CCL28: variants seen among roughly 807,000 people sequenced by gnomAD.
CCL28 encodes the protein C-C motif chemokine ligand 28.
A neutral mutation model predicts 7.1 loss-of-function variants in CCL28; 4 were observed. The ratio of observed to expected loss-of-function variants is 0.56; its 90% CI spans 0.28 to 1.29. CCL28 has a LOEUF of 1.29. CCL28 is among the 50% of genes most tolerant of loss of function. The probability of loss-of-function intolerance (pLI) is 0.11; values close to 1 mark genes in which losing one functional copy is unlikely to be tolerated. For synonymous variants in CCL28, 55 were observed against 57.8 expected, an observed-to-expected ratio of 0.95 and a Z score of 0.22; for missense variants, 151 against 163.4, an observed-to-expected ratio of 0.92 and a Z score of 0.41.
chr5:43,359,683 T>C, the CCL28 span, among the ~76,000 whole-genome samples: 1 of 152,238 alleles, frequency 6.6e-6, no homozygotes, highest in Non-Finnish European at 1.5e-5. Context: ...TATAATACTT[T>C]ACTGCTCAGG....
intron 1 of CCL28, among the ~76,000 whole-genome samples, chr5:43,391,665 T>C (rs1389866843): frequency 6.6e-6 from 1 of 152,230 alleles, no homozygotes; most frequent in Non-Finnish European, 1.5e-5. Flanking sequence ...TCCAGTACTT[T>C]ACTGTTACAA....
chr5:43,400,934 T>G (rs919155207), intron 1 of CCL28, among the ~76,000 whole-genome samples: 5 of 151,590 alleles, frequency 3.3e-5, no homozygotes, highest in African/African-American at 1.2e-4. Context: ...ATACAAAAAA[T>G]TAACCGGGCG....
downstream of CCL28, among the ~76,000 whole-genome samples, chr5:43,372,368 T>C (rs1363688683): frequency 6.6e-6 from 1 of 152,112 alleles, no homozygotes; most frequent in Admixed American, 6.5e-5. Context: ...TTCTTTTTGT[T>C]TTGTTTGTTT....
intron 1 of CCL28, among the ~76,000 whole-genome samples, chr5:43,406,417 T>G (rs1466894651): frequency 6.6e-6 from 1 of 152,090 alleles, no homozygotes; most frequent in African/African-American, 2.4e-5. Flanking sequence ...TCTCAATAGA[T>G]GCAGAAAAGG....
At chr5:43,369,057 A>AGAGAGG in the CCL28 span, among the ~76,000 whole-genome samples, 468 of 130,178 alleles carry the variant, frequency 3.6e-3, 8 homozygotes, top group African/African-American at 0.017. Flanking sequence ...AGAGAGAGAG[A>AGAGAGG]GAGAGAGAGA....
chr5:43,409,057 T>C (rs2111920428), intron 1 of CCL28, among the ~76,000 whole-genome samples: 1 of 152,202 alleles, frequency 6.6e-6, no homozygotes, highest in African/African-American at 2.4e-5. Context: ...GCAGGAGACT[T>C]GCTTGAGGCC....
Position 43,380,934 on chromosome 5 carries a change from A to C in CCL28, c.*926T>G, listed in dbSNP as rs1740086634. On this transcript the variant is annotated 3_prime_UTR_variant, in exon 3 of 3. Transcript: ENST00000361115. Reference sequence around the variant, plus strand: ...CTTGATTGATTACTGGAGTGAAAAAAAAACTACATAAAATGCTCTCTAAAT... The same window carrying C: ...CTTGATTGATTACTGGAGTGAAAAACAAACTACATAAAATGCTCTCTAAAT... 6.6e-6 allele frequency: 1 copy of C among 152,194 alleles called. No individual in the cohort carries two copies. Among genetic ancestry groups the C allele is most frequent in the African/African-American group, 2.4e-5 (1 of 41,464 alleles). The allele number at this position is 152,194 out of a possible 1,614,324, so 9.4% of individuals were successfully genotyped here. A position where few individuals can be genotyped will look rare whatever the true frequency, so the allele number is the denominator to read the frequency against.
chr5:43,362,998 TG>T, the CCL28 span, among the ~76,000 whole-genome samples: 4 of 152,238 alleles, frequency 2.6e-5, no homozygotes, highest in African/African-American at 7.2e-5. Flanking sequence ...TCTACTTACT[TG>T]GGGTGCACAT....
chr5:43,384,887 G>A (rs753226753), intron 2 of CCL28, among the ~76,000 whole-genome samples: 1 of 151,458 alleles, frequency 6.6e-6, no homozygotes. Flanking sequence ...GAATCCTCAG[G>A]CCTCTGCCCA....
intron 1 of CCL28, among the ~76,000 whole-genome samples, chr5:43,403,751 A>G (rs6860073): frequency 0.57 from 86,233 of 151,974 alleles, 25,316 homozygotes; most frequent in Middle Eastern, 0.69. Flanking sequence ...CAAAGAAGTT[A>G]AAAACCTTGA....
At chr5:43,370,983 C>T in the CCL28 span, among the ~76,000 whole-genome samples, 1 of 152,192 alleles carries the variant, frequency 6.6e-6, no homozygotes, top group Non-Finnish European at 1.5e-5. Flanking sequence ...CTCAAGTGAT[C>T]CACCCCCTTT....
intron 2 of CCL28, among the ~76,000 whole-genome samples, chr5:43,385,536 A>G (rs572589365): frequency 6.6e-6 from 1 of 152,352 alleles, no homozygotes; most frequent in African/African-American, 2.4e-5. Context: ...CATTTTAGAT[A>G]AGTAAAGACA....
intron 2 of CCL28, among the ~76,000 whole-genome samples, chr5:43,385,567 T>C (rs1005650323): frequency 6.6e-6 from 1 of 152,192 alleles, no homozygotes; most frequent in Non-Finnish European, 1.5e-5. Flanking sequence ...TAAACTAATC[T>C]GAAAACAAGA....
At chr5:43,378,922 C>T (rs1739996054), downstream of CCL28, among the ~76,000 whole-genome samples, 1 of 152,078 alleles carries the variant, frequency 6.6e-6, no homozygotes, top group African/African-American at 2.4e-5. Flanking sequence ...GATTGCACCA[C>T]TGCACTCCAG....
chr5:43,404,137 C>G (rs1269071634), intron 1 of CCL28, among the ~76,000 whole-genome samples: 2 of 152,140 alleles, frequency 1.3e-5, no homozygotes, highest in Non-Finnish European at 2.9e-5. Context: ...GGCCAACATT[C>G]AAATTCAGGA....
At chr5:43,401,663 A>G (rs986982325) in intron 1 of CCL28, among the ~76,000 whole-genome samples, 8 of 152,246 alleles carry the variant, frequency 5.3e-5, no homozygotes, top group African/African-American at 1.9e-4. Flanking sequence ...CACTCAATAA[A>G]TGGAAACAAA....
the CCL28 span, among the ~76,000 whole-genome samples, chr5:43,363,104 C>A: frequency 1.3e-5 from 2 of 152,110 alleles, no homozygotes; most frequent in African/African-American, 4.8e-5. Context: ...CTCTTTATGT[C>A]CTCCACCTGA....
At chr5:43,366,861 A>G in the CCL28 span, among the ~76,000 whole-genome samples, 1 of 152,228 alleles carries the variant, frequency 6.6e-6, no homozygotes, top group African/African-American at 2.4e-5. Flanking sequence ...GGAGGAGTCT[A>G]GAGAGGCAGT....
downstream of CCL28, among the ~76,000 whole-genome samples, chr5:43,377,717 C>CTTTTTTTT (rs767834184): frequency 0.021 from 901 of 42,684 alleles, 277 homozygotes; most frequent in Middle Eastern, 0.043. Context: ...AGAACTTAAA[C>CTTTTTTTT]TTTTTTTTTT....
Sources: gnomAD v4.1 joint callset for allele counts (sites outside exome capture counted in the v4.1 genomes callset) on GRCh38, gnomAD v4.1.1 for gene constraint, MANE v1.5 for transcripts, NCBI Gene and HGNC (gene_info 2026-07-23, HGNC 2026-07-21) for gene names.